Variants in CD2AP observed in about 807,000 individuals in gnomAD.
The protein encoded by CD2AP is CD2 associated protein, also known as CD2-associated protein.
CD2AP carries 46 observed loss-of-function variants against 85.1 expected under a neutral mutation model. The observed-to-expected ratio is 0.54, with a 90% CI of 0.43 to 0.69. The LOEUF (loss-of-function observed/expected upper bound fraction) is 0.69, where lower values mean the gene tolerates loss of function less well. CD2AP is among the 30% of genes least tolerant of loss of function. The pLI, the probability that CD2AP is intolerant of heterozygous loss-of-function variation, is 0.00. For synonymous variants in CD2AP, 255 were observed against 252.9 expected (o/e 1.01, Z -0.08); for missense variants, 769 against 729.5 (o/e 1.05, Z -0.62).
At chr6:47,567,148 C>T (rs1768025978) in intron 5 of CD2AP, among the ~76,000 whole-genome samples, 1 of 149,736 alleles carries the variant, frequency 6.7e-6, no homozygotes. Context: ...GGTGGTTTTT[C>T]ACTATTGTAG....
In CD2AP at chr6:47,574,243, C is replaced by G; in HGVS notation, c.721C>G (p.Pro241Ala). The G allele has an allele frequency of 1.2e-6, 2 of 1,613,490 alleles. No homozygotes were observed. Among genetic ancestry groups the G allele is most frequent in the Non-Finnish European group, 1.7e-6 (2 of 1,179,560 alleles). The change falls in exon 6 of 18, where the codon CCA (proline) becomes GCA (alanine). Residue 241 changes from proline (P) to alanine (A), a missense_variant. By Grantham distance (27) the Pro-to-Ala change is conservative. Coordinates refer to ENST00000359314, the MANE Select transcript of CD2AP (RefSeq NM_012120.3). Reference protein sequence around the residue: ...TSSSETEEKKPEKPLILQSLG... With the variant: ...TSSSETEEKKAEKPLILQSLG... ...CAGTAGTGAAACAGAAGAGAAAAAA[C>G]CAGAAAAGGTGGTAATGATGGACTT...
At chr6:47,564,073 C>A (rs995854771) in intron 5 of CD2AP, among the ~76,000 whole-genome samples, 2 of 152,052 alleles carry the variant, frequency 1.3e-5, no homozygotes, top group Non-Finnish European at 2.9e-5. Context: ...TTTTATGTTA[C>A]ATTTATTTGA....
In CD2AP at chr6:47,544,644, A is replaced by C. The variant is rs764581347; in HGVS notation, c.358A>C (p.Ile120Leu). 2 of 1,612,924 alleles carry C rather than the reference A, an allele frequency of 1.2e-6. No individual in the cohort carries two copies. Among genetic ancestry groups the C allele is most frequent in the South Asian group, 1.1e-5 (1 of 91,054 alleles). Residue 120 changes from isoleucine to leucine, a missense_variant, in exon 4 of 18, where the codon ATT becomes CTT. Ile to Leu is a conservative substitution (Grantham distance 5). Coordinates refer to ENST00000359314, the MANE Select transcript of CD2AP (RefSeq NM_012120.3). ...KRQCKVLFEY[I>L]PQNEDELELK... ...TCAGTGTAAAGTTCTTTTTGAGTAC[A>C]TTCCACAAAATGAGGATGAACTGGA...
intron 2 of CD2AP, among the ~76,000 whole-genome samples, chr6:47,523,752 A>G (rs985282739): frequency 2.6e-5 from 4 of 152,154 alleles, no homozygotes; most frequent in East Asian, 1.9e-4. Flanking sequence ...TTTACATTTG[A>G]TAAAGTGTAC....
intron 11 of CD2AP, among the ~76,000 whole-genome samples, chr6:47,591,046 T>A (rs1293383972): frequency 6.6e-6 from 1 of 152,152 alleles, no homozygotes; most frequent in African/African-American, 2.4e-5. Flanking sequence ...AAGTTGCCAT[T>A]GGAAACAGCA....
At chr6:47,589,229 G>A (rs142766907) in intron 11 of CD2AP, among the ~76,000 whole-genome samples, 239 of 152,098 alleles carry the variant, frequency 1.6e-3, no homozygotes, top group Middle Eastern at 6.8e-3. Flanking sequence ...TAAGTGTTTA[G>A]TTGGAAGGTG....
At chr6:47,490,332 C>T (rs1366238700) in intron 1 of CD2AP, among the ~76,000 whole-genome samples, 1 of 152,116 alleles carries the variant, frequency 6.6e-6, no homozygotes, top group East Asian at 1.9e-4. Context: ...TGGTCTTTTA[C>T]TTACATACCC....
intron 4 of CD2AP, chr6:47,545,034 A>G (rs1767328466): frequency 4.7e-6 from 1 of 214,682 alleles, no homozygotes; most frequent in South Asian, 8.9e-5. Flanking sequence ...AATACAAAGC[A>G]AAATCTTTTT....
chr6:47,532,931 A>G (rs923219417), intron 2 of CD2AP, among the ~76,000 whole-genome samples: 14 of 152,194 alleles, frequency 9.2e-5, no homozygotes, highest in Non-Finnish European at 2.1e-4. Context: ...ATACTTTTCC[A>G]TGATGGTTCA....
At position 47,503,414 on chromosome 6, in the gene CD2AP, G is replaced by A. The variant is rs772572598; in HGVS notation, c.139G>A (p.Gly47Arg). Residue 47 changes from glycine to arginine, a missense_variant, in exon 2 of 18, where the codon GGA becomes AGA. Physicochemically the swap from Gly to Arg is moderately radical, Grantham distance 125 (BLOSUM62 -2). Transcript: ENST00000359314. ...WLEGELNGRR[G>R]MFPDNFVKEI... is the part of the protein sequence containing the mutation. Reference sequence around the variant, plus strand: ...GGAAGGAGAACTAAATGGGAGAAGAGGAATGTTCCCTGACAATTTCGTTAA... The same window carrying A: ...GGAAGGAGAACTAAATGGGAGAAGAAGAATGTTCCCTGACAATTTCGTTAA... 1.2e-6 allele frequency: 2 copies of A among 1,613,786 alleles called. No individual in the cohort carries two copies. Among genetic ancestry groups the A allele is most frequent in the Non-Finnish European group, 1.7e-6 (2 of 1,179,832 alleles).
At chr6:47,524,713 C>A (rs1238037004) in intron 2 of CD2AP, among the ~76,000 whole-genome samples, 1 of 152,106 alleles carries the variant, frequency 6.6e-6, no homozygotes, top group Non-Finnish European at 1.5e-5. Context: ...TAACTTCCCC[C>A]ACCCCATTTC....
At chr6:47,478,289 C>A (rs1405616593) in intron 1 of CD2AP, 41 bp downstream of exon 1, 3 of 1,564,802 alleles carry the variant, frequency 1.9e-6, no homozygotes, top group Non-Finnish European at 1.7e-6. Context: ...TCCGGACCTT[C>A]CAGACCCGGG....
At chr6:47,556,806 G>A (rs890113007) in intron 5 of CD2AP, among the ~76,000 whole-genome samples, 4 of 152,164 alleles carry the variant, frequency 2.6e-5, no homozygotes, top group Non-Finnish European at 5.9e-5. Context: ...TGTCTTTATA[G>A]TAGAATTATT....
chr6:47,558,783 C>A (rs895594224), intron 5 of CD2AP, among the ~76,000 whole-genome samples: 1 of 151,836 alleles, frequency 6.6e-6, no homozygotes, highest in Admixed American at 6.6e-5. Context: ...CTGAAATTTT[C>A]TTTTTTTTGT....
chr6:47,615,309 G>A (rs550162622), intron 17 of CD2AP, among the ~76,000 whole-genome samples: 115 of 152,254 alleles, frequency 7.6e-4, no homozygotes, highest in Non-Finnish European at 7.5e-4. Flanking sequence ...ATTGAAAAAA[G>A]TAGGGTTTGG....
At chr6:47,548,244 A>G (rs1767418326) in intron 4 of CD2AP, among the ~76,000 whole-genome samples, 1 of 152,142 alleles carries the variant, frequency 6.6e-6, no homozygotes, top group Non-Finnish European at 1.5e-5. Flanking sequence ...AGAAAATACA[A>G]AAGATAAATG....
chr6:47,576,691 G>A, intron 7 of CD2AP, 89 bp downstream of exon 7: 1 of 990,652 alleles, frequency 1.0e-6, no homozygotes, highest in Admixed American at 1.8e-5. Context: ...TTGTTACACT[G>A]TCTTATTAGA....
At chr6:47,483,859 T>C (rs1765505482) in intron 1 of CD2AP, among the ~76,000 whole-genome samples, 1 of 151,610 alleles carries the variant, frequency 6.6e-6, no homozygotes, top group South Asian at 2.1e-4. Context: ...ATACCCAATG[T>C]GAAGCAGATT....
At chr6:47,569,808 A>G (rs865834649) in intron 5 of CD2AP, among the ~76,000 whole-genome samples, 2 of 152,148 alleles carry the variant, frequency 1.3e-5, no homozygotes, top group South Asian at 4.1e-4. Context: ...TCAAGGTATT[A>G]TACAGTTTAC....
Sources: allele counts gnomAD v4.1 joint callset (sites outside exome capture counted in the v4.1 genomes callset), GRCh38; gene constraint gnomAD v4.1.1; transcripts MANE v1.5; gene names NCBI Gene and HGNC (gene_info 2026-07-23, HGNC 2026-07-21).